ATRNL1: variants seen among roughly 807,000 people sequenced by gnomAD.
ATRNL1 encodes attractin-like protein 1.
In ATRNL1, 95 loss-of-function variants were observed where a neutral mutation model predicts 182.7. The ratio of observed to expected loss-of-function variants is 0.52; its 90% CI spans 0.44 to 0.62. The LOEUF (loss-of-function observed/expected upper bound fraction) is 0.62. Ranked by LOEUF, ATRNL1 falls within the 20% of genes least tolerant of loss-of-function variation. The probability of loss-of-function intolerance (pLI) is 0.00; values close to 1 mark genes in which losing one functional copy is unlikely to be tolerated. For synonymous variants in ATRNL1, 576 were observed against 568.3 expected, an observed-to-expected ratio of 1.01 and a Z score of -0.19; for missense variants, 1,471 against 1,679.5, an observed-to-expected ratio of 0.88 and a Z score of 2.17.
At chr10:115,593,753 A>T (rs1419554563) in intron 26 of ATRNL1, among the ~76,000 whole-genome samples, 1 of 152,208 alleles carries the variant, frequency 6.6e-6, no homozygotes, top group Non-Finnish European at 1.5e-5. Flanking sequence ...TTGAAACAAA[A>T]TTGGTGTAGA....
At position 115,370,995 on chromosome 10, in the gene ATRNL1, A is replaced by T. The variant is rs181231292; in HGVS notation, c.3176-23664A>T. Among the ~76,000 whole-genome samples the T allele has an allele frequency of 3.9e-3, 593 of 152,290 alleles. 3 individuals are homozygous for T. Among genetic ancestry groups the T allele is most frequent in the Middle Eastern group, 0.01 (3 of 294 alleles). On this transcript the variant is annotated intron_variant, in intron 19 of 28. Coordinates refer to ENST00000355044, the MANE Select transcript of ATRNL1 (RefSeq NM_207303.4). ...TGCATCCTAGCCGCTCCAGCCATGA[A>T]TAAAAGGGGCCAAGGTACAGCTTGG...
intron 27 of ATRNL1, among the ~76,000 whole-genome samples, chr10:115,806,337 T>G (rs1243177895): frequency 6.6e-6 from 1 of 152,284 alleles, no homozygotes; most frequent in Admixed American, 6.5e-5. Context: ...TCTATATTTT[T>G]AGTATCCAAA....
intron 17 of ATRNL1, among the ~76,000 whole-genome samples, chr10:115,315,152 T>C (rs1592432615): frequency 6.6e-6 from 1 of 152,146 alleles, no homozygotes; most frequent in East Asian, 1.9e-4. Context: ...CGAGGCACAA[T>C]AAGAATGGCT....
intron 27 of ATRNL1, among the ~76,000 whole-genome samples, chr10:115,786,527 C>A (rs1949400276): frequency 6.6e-6 from 1 of 152,174 alleles, no homozygotes; most frequent in Admixed American, 6.5e-5. Flanking sequence ...ACATGCACTT[C>A]CTCTTCCTTC....
intron 8 of ATRNL1, among the ~76,000 whole-genome samples, chr10:115,196,572 T>A: frequency 7.4e-6 from 1 of 134,734 alleles, no homozygotes; most frequent in South Asian, 2.3e-4. Context: ...GTATATCACT[T>A]CTTTATTTAG....
chr10:115,368,057 T>G lies in ATRNL1; in HGVS notation c.3176-26602T>G, dbSNP rs1857158601. Among the ~76,000 whole-genome samples the G allele has an allele frequency of 2.0e-5, 3 of 152,158 alleles. No homozygotes were observed. The South Asian group carries it at 6.2e-4, about 32-fold the overall frequency. ...CTGTGGTGGGCTCCACCCAGTTCAG[T>G]TGGAGCTCCCTGGCTGCTTTGTTTA... On this transcript the variant is annotated intron_variant, in intron 19 of 28. Transcript: ENST00000355044.
At chr10:115,238,667 C>T (rs184696416) in intron 9 of ATRNL1, among the ~76,000 whole-genome samples, 1 of 152,112 alleles carries the variant, frequency 6.6e-6, no homozygotes, top group Admixed American at 6.5e-5. Flanking sequence ...GGATTTACTT[C>T]GTAGACAGTC....
chr10:115,554,936 TA>T (rs1172071162), intron 26 of ATRNL1, among the ~76,000 whole-genome samples: 1 of 151,828 alleles, frequency 6.6e-6, no homozygotes, highest in Non-Finnish European at 1.5e-5. Context: ...TGATTTATTC[TA>T]AAAAATGTAG....
At chr10:115,300,316 C>A (rs2642249) in intron 16 of ATRNL1, 69 bp downstream of exon 16, 1 of 1,284,100 alleles carries the variant, frequency 7.8e-7, no homozygotes, top group Non-Finnish European at 1.1e-6. Context: ...TTCCTTCCTT[C>A]TAGGGTGTAG....
At chr10:115,211,267 A>AT (rs1447898881) in intron 8 of ATRNL1, among the ~76,000 whole-genome samples, 10 of 149,776 alleles carry the variant, frequency 6.7e-5, no homozygotes, top group Non-Finnish European at 7.4e-5. Flanking sequence ...TAATTTAAGA[A>AT]TTTTTTCCCT....
chr10:115,097,621 A>G (rs781863345), intron 1 of ATRNL1, among the ~76,000 whole-genome samples: 16 of 152,112 alleles, frequency 1.1e-4, no homozygotes, highest in Admixed American at 1.3e-4. Flanking sequence ...TCTTCCCCTA[A>G]GCTGTTAAAA....
chr10:115,391,335 C>A (rs1554954268), intron 19 of ATRNL1, among the ~76,000 whole-genome samples: 1 of 152,042 alleles, frequency 6.6e-6, no homozygotes, highest in Non-Finnish European at 1.5e-5. Flanking sequence ...GAATATATGA[C>A]CTTTATTGTG....
chr10:115,445,023 AC>A (rs1210211535), intron 21 of ATRNL1, among the ~76,000 whole-genome samples: 9 of 151,642 alleles, frequency 5.9e-5, no homozygotes, highest in Admixed American at 5.9e-4. Context: ...GAGCCACTGC[AC>A]CCGACCCTGA....
intron 26 of ATRNL1, among the ~76,000 whole-genome samples, chr10:115,672,612 T>C (rs140034711): frequency 6.6e-6 from 1 of 152,208 alleles, no homozygotes; most frequent in Non-Finnish European, 1.5e-5. Context: ...GAATATAGGC[T>C]TCTTAGATTT....
chr10:115,244,179 C>A (rs1592313928), intron 10 of ATRNL1, among the ~76,000 whole-genome samples: 1 of 152,138 alleles, frequency 6.6e-6, no homozygotes, highest in East Asian at 1.9e-4. Context: ...TTATGGAAGG[C>A]ACTTAAAAGC....
At chr10:115,198,051 G>A (rs1848426832) in intron 8 of ATRNL1, among the ~76,000 whole-genome samples, 1 of 152,078 alleles carries the variant, frequency 6.6e-6, no homozygotes, top group Admixed American at 6.6e-5. Context: ...TGAAATTGCT[G>A]GGCCATACGG....
chr10:115,557,238 T>A (rs1479603459), intron 26 of ATRNL1, among the ~76,000 whole-genome samples: 2 of 152,130 alleles, frequency 1.3e-5, no homozygotes, highest in African/African-American at 4.8e-5. Context: ...ATTAGATCTA[T>A]CGAAGAGGCA....
chr10:115,446,707 G>A (rs565832748), intron 21 of ATRNL1, among the ~76,000 whole-genome samples: 2 of 152,130 alleles, frequency 1.3e-5, no homozygotes, highest in African/African-American at 4.8e-5. Flanking sequence ...GGAGCCTGAA[G>A]TATGAATGGT....
intron 27 of ATRNL1, among the ~76,000 whole-genome samples, chr10:115,759,143 G>A (rs12260170): frequency 0.06 from 9,107 of 152,156 alleles, 347 homozygotes; most frequent in South Asian, 0.11. Flanking sequence ...TTGTTTACGC[G>A]GATGCAGGAA....
Sources: gnomAD v4.1 joint callset for allele counts (sites outside exome capture counted in the v4.1 genomes callset) on GRCh38, gnomAD v4.1.1 for gene constraint, MANE v1.5 for transcripts, NCBI Gene and HGNC (gene_info 2026-07-23, HGNC 2026-07-21) for gene names.